The following DRC7 variants were observed in gnomAD, a reference collection of about 807,000 sequenced individuals.
DRC7 encodes dynein regulatory complex subunit 7.
In DRC7, 80 loss-of-function variants were observed where a neutral mutation model predicts 104.4. The ratio of observed to expected loss-of-function variants is 0.77; its 90% confidence interval spans 0.64 to 0.92. The LOEUF (loss-of-function observed/expected upper bound fraction) is 0.92, where lower values mean the gene tolerates loss of function less well. Among genes scored for constraint, DRC7 ranks in the 40% least tolerant of loss-of-function variants. The probability of loss-of-function intolerance (pLI) is 0.00; values close to 1 mark genes in which losing one functional copy is unlikely to be tolerated. For synonymous variants in DRC7, 405 were observed against 447.3 expected, an observed-to-expected ratio of 0.91 and a Z score of 1.19; for missense variants, 1,034 against 1,141.1, an observed-to-expected ratio of 0.91 and a Z score of 1.35.
intron 5 of DRC7, among the ~76,000 whole-genome samples, chr16:57,700,579 G>A (rs376096908): frequency 3.4e-5 from 5 of 148,810 alleles, no homozygotes; most frequent in African/African-American, 1.3e-4. Context: ...CCTGGGAAGC[G>A]GAAGTTGCAG....
intron 13 of DRC7, among the ~76,000 whole-genome samples, 185 bp downstream of exon 13, chr16:57,725,020 C>T (rs1477048173): frequency 1.3e-5 from 2 of 152,142 alleles, no homozygotes; most frequent in African/African-American, 4.8e-5. Context: ...TGAAGAAATA[C>T]CTGAGACTGG....
Position 57,696,070 on chromosome 16 carries a change from C to A in DRC7, c.-168-394C>A, listed in dbSNP as rs182613544. Among the ~76,000 whole-genome samples the A allele has an allele frequency of 4.7e-3, 709 of 152,246 alleles. 2 individuals carry two copies. Among genetic ancestry groups the A allele is most frequent in the Non-Finnish European group, 7.2e-3 (491 of 68,012 alleles). ...CTCGCCCCCTTTGTCCTGTGGGTTT[C>A]GTTTGTTTTCCTCATCTCTGGACCC... is the stretch of plus-strand genomic sequence containing the variant. On this transcript the variant is annotated intron_variant, in intron 1 of 18. Transcript: ENST00000360716.
intron 8 of DRC7, among the ~76,000 whole-genome samples, chr16:57,709,927 G>A (rs984869298): frequency 1.3e-5 from 2 of 152,078 alleles, no homozygotes; most frequent in Non-Finnish European, 2.9e-5. Context: ...GTGCCACTAT[G>A]CCCAGCTAAT....
In DRC7 at chr16:57,731,074, A is replaced by T. The variant is rs775792251; in HGVS notation, c.2531+4A>T. ...TCCTGGAGCAGCGCCTCAATCGGTG[A>T]GCAGGCAGGGCAGGTGGAGAGAACC... On this transcript the variant is annotated splice_donor_region_variant and intron_variant, in intron 18 of 18. Coordinates refer to ENST00000360716, the MANE Select transcript of DRC7 (RefSeq NM_001289162.2). 1 of 1,613,758 alleles carries T rather than the reference A, an allele frequency of 6.2e-7. No individual in the cohort carries two copies.
At position 57,706,249 on chromosome 16, in the gene DRC7, C is replaced by T. The variant is rs545228582; in HGVS notation, c.859-1211C>T. Reference sequence around the variant, plus strand: ...CCATCCTCCCACCCACCCTCCCATCCGTCCATCCTCCCAACTATCCATCCT... The same window carrying T: ...CCATCCTCCCACCCACCCTCCCATCTGTCCATCCTCCCAACTATCCATCCT... On this transcript the variant is annotated intron_variant, in intron 7 of 18. Coordinates refer to ENST00000360716, the MANE Select transcript of DRC7 (RefSeq NM_001289162.2). Among the ~76,000 whole-genome samples the T allele has an allele frequency of 2.7e-3, 362 of 135,874 alleles. 5 individuals are homozygous for T. The highest frequency in any genetic ancestry group is 9.3e-3 in the African/African-American group (338 of 36,378). The allele number at this position is 135,874 out of a possible 152,430, so 89.1% of individuals were successfully genotyped here.
chr16:57,705,781 TCCTCCCATCCATC>T lies in DRC7; in HGVS notation c.858+749_858+761del, dbSNP rs1567875202. ...TCCCATCCATCCTCCCATCCATCCATCCTCCCATCCATCCATCCTCCCATTTCTCCTCCCATCC... is the reference window on the plus strand; with the variant it reads ...TCCCATCCATCCTCCCATCCATCCATCATCCTCCCATTTCTCCTCCCATCC... On this transcript the variant is annotated intron_variant, in intron 7 of 18. Coordinates refer to ENST00000360716, the MANE Select transcript of DRC7 (RefSeq NM_001289162.2). Among the ~76,000 whole-genome samples, 4 of 121,856 alleles carry T rather than the reference TCCTCCCATCCATC, an allele frequency of 3.3e-5. No individual in the cohort carries two copies. The East Asian group carries it at 1.0e-3, about 31-fold the overall frequency. The allele number at this position is 121,856 out of a possible 152,430, so 79.9% of individuals were successfully genotyped here. A position where few individuals can be genotyped will look rare whatever the true frequency, so the allele number is the denominator to read the frequency against.
intron 12 of DRC7, 22 bp from the exon 13 acceptor site, chr16:57,724,593 C>G: frequency 6.4e-7 from 1 of 1,570,800 alleles, no homozygotes. Context: ...CTGTCTCCTC[C>G]CAACTCCCGC....
chr16:57,697,941 C>A lies in DRC7; in HGVS notation c.-9C>A. Reference sequence around the variant, plus strand: ...CATTCCATCTCCAGACACCCAGAGACGCTCCAGAATGGAGGTCCTGAGGGA... The same window carrying A: ...CATTCCATCTCCAGACACCCAGAGAAGCTCCAGAATGGAGGTCCTGAGGGA... On this transcript the variant is annotated 5_prime_UTR_variant, in exon 3 of 19. Transcript: ENST00000360716. 6.2e-7 allele frequency: 1 copy of A among 1,610,400 alleles called. No individual in the cohort carries two copies. Among genetic ancestry groups the A allele is most frequent in the South Asian group, 1.1e-5 (1 of 90,880 alleles).
chr16:57,726,869 A>G lies in DRC7; in HGVS notation c.2012A>G (p.Gln671Arg), dbSNP rs1196454900. The G allele has an allele frequency of 1.2e-6, 2 of 1,613,210 alleles. No homozygotes were observed. The highest frequency in any genetic ancestry group is 4.5e-5 in the East Asian group (2 of 44,864). The stretch of plus-strand genomic sequence containing the variant: ...GAGCACACCAAGAAGCTGCTCTACC[A>G]GTACGAGGCCATGATGCACCTGAAG... Reference protein sequence around the residue: ...PMEHTKKLLYQYEAMMHLKRE... With the variant: ...PMEHTKKLLYRYEAMMHLKRE... The change falls in exon 15 of 19, where the codon CAG becomes CGG. Residue 671 changes from glutamine to arginine, a missense_variant. Transcript: ENST00000360716.
At chr16:57,699,395 C>G (rs1285509539) in intron 4 of DRC7, among the ~76,000 whole-genome samples, 1 of 152,106 alleles carries the variant, frequency 6.6e-6, no homozygotes, top group Non-Finnish European at 1.5e-5. Context: ...CCACGTGGGC[C>G]AAATAAAGCG....
chr16:57,704,850 A>T (rs1407852219), intron 6 of DRC7, 26 bp from the exon 7 acceptor site: 1 of 1,611,636 alleles, frequency 6.2e-7, no homozygotes, highest in Non-Finnish European at 8.5e-7. Context: ...AGGGCCACTG[A>T]CCCTTCCTCT....
rs1280041309 is a variant in DRC7 at position 57,723,013 on chromosome 16, T to C, written c.1420T>C (p.Leu474=). The C allele has an allele frequency of 6.2e-7, 1 of 1,613,584 alleles. No individual in the cohort carries two copies. Among genetic ancestry groups the C allele is most frequent in the Non-Finnish European group, 8.5e-7 (1 of 1,179,956 alleles). Residue 474 remains leucine, a synonymous_variant, in exon 12 of 19, where the codon TTG becomes CTG. Coordinates refer to ENST00000360716, the MANE Select transcript of DRC7 (RefSeq NM_001289162.2). ...TYEDLQCTNI[L]EIKEWYQNRE... ...CATCGGCCCCACAGGTACCAATATTTTGGAGATAAAGGAGTGGTACCAGAA... is the reference window on the plus strand; with the variant it reads ...CATCGGCCCCACAGGTACCAATATTCTGGAGATAAAGGAGTGGTACCAGAA...
At position 57,718,005 on chromosome 16, in the gene DRC7, C is replaced by T. The variant is rs116538904; in HGVS notation, c.1078-342C>T. Among the ~76,000 whole-genome samples, 1,229 of 152,318 alleles carry T rather than the reference C, an allele frequency of 8.1e-3. 14 individuals carry two copies. The highest frequency in any genetic ancestry group is 0.027 in the African/African-American group (1,138 of 41,564). Reference sequence around the variant, plus strand: ...TCTTGCTGGTTTGTTTTCATTGGCTCTAAGCACTGCCCAGCCGATGCGGAA... The same window carrying T: ...TCTTGCTGGTTTGTTTTCATTGGCTTTAAGCACTGCCCAGCCGATGCGGAA... On this transcript the variant is annotated intron_variant, in intron 8 of 18. Transcript: ENST00000360716.
chr16:57,727,758 C>T (rs985465015), intron 16 of DRC7, among the ~76,000 whole-genome samples: 1 of 152,376 alleles, frequency 6.6e-6, no homozygotes, highest in African/African-American at 2.4e-5. Context: ...CCTGAGCTCT[C>T]CTGCTCTCCA....
chr16:57,703,200 C>CTAA, intron 6 of DRC7, among the ~76,000 whole-genome samples: 1 of 62,922 alleles, frequency 1.6e-5, no homozygotes, highest in African/African-American at 5.5e-5. Context: ...TTTTTAATAG[C>CTAA]AAAAAAAAAA....
At chr16:57,725,146 G>A (rs1410127916) in intron 13 of DRC7, among the ~76,000 whole-genome samples, 1 of 143,578 alleles carries the variant, frequency 7.0e-6, no homozygotes, top group Non-Finnish European at 1.5e-5. Context: ...TAGTGAAAAG[G>A]GTCCTTTCCA....
chr16:57,714,919 T>C, intron 8 of DRC7: 1 of 295,470 alleles, frequency 3.4e-6, no homozygotes, highest in Non-Finnish European at 6.7e-6. Context: ...AAAGCATCCC[T>C]TTGGGAAGAC....
chr16:57,700,151 G>T lies in DRC7; in HGVS notation c.385G>T (p.Val129Leu). The T allele has an allele frequency of 1.2e-6, 2 of 1,613,596 alleles. No homozygotes were observed. The highest frequency in any genetic ancestry group is 1.7e-6 in the Non-Finnish European group (2 of 1,179,614). The change falls in exon 5 of 19, where the codon GTG becomes TTG. Residue 129 changes from valine (V) to leucine (L), a missense_variant. Val to Leu is a conservative substitution (Grantham distance 32, BLOSUM62 1). Transcript: ENST00000360716. ...PLNECEVPKF[V>L]STTLRPTLMP... The stretch of plus-strand genomic sequence containing the variant: ...ACCATCTCTCTCCTTGCAGAAGTTC[G>T]TGAGCACAACCCTCCGGCCCACACT...
At chr16:57,724,858 G>T in intron 13 of DRC7, 23 bp downstream of exon 13, 1 of 1,586,682 alleles carries the variant, frequency 6.3e-7, no homozygotes, top group Non-Finnish European at 8.6e-7. Context: ...GGGGGCTGGG[G>T]ACAGGTCGCC....
Sources: allele counts gnomAD v4.1 joint callset (sites outside exome capture counted in the v4.1 genomes callset), GRCh38; gene constraint gnomAD v4.1.1; transcripts MANE v1.5; gene names NCBI Gene and HGNC (gene_info 2026-07-23, HGNC 2026-07-21).